The following CHST9 variants were observed in gnomAD, a reference collection of about 807,000 sequenced individuals.
CHST9 encodes the protein GalNAc-4-sulfotransferase 2.
CHST9 carries 41 observed loss-of-function variants against 44.4 expected under a neutral mutation model. That is an observed-to-expected ratio of 0.92 (90% CI 0.72 to 1.20). The LOEUF (loss-of-function observed/expected upper bound fraction) is 1.20. CHST9 is among the 50% of genes most tolerant of loss of function. The pLI is 0.00. For synonymous variants in CHST9, 171 were observed against 178.4 expected, an observed-to-expected ratio of 0.96 and a Z score of 0.33; for missense variants, 504 against 516.5, an observed-to-expected ratio of 0.98 and a Z score of 0.23.
intron 2 of CHST9, among the ~76,000 whole-genome samples, chr18:27,053,055 T>C (rs1365250500): frequency 6.8e-6 from 1 of 147,606 alleles, no homozygotes; most frequent in East Asian, 2.0e-4. Flanking sequence ...AACCTGCATG[T>C]TCAGCACATG....
chr18:27,032,923 A>G (rs2057355859), intron 3 of CHST9, among the ~76,000 whole-genome samples: 1 of 152,232 alleles, frequency 6.6e-6, no homozygotes, highest in Non-Finnish European at 1.5e-5. Flanking sequence ...AGAAGTAGAT[A>G]CAGCTTTGCA....
rs149186620 is a variant in CHST9 at position 27,061,910 on chromosome 18, C to T, written c.122-13407G>A. 1.3e-4 allele frequency among the ~76,000 whole-genome samples: 20 copies of T among 152,250 alleles called. No individual in the cohort carries two copies. The East Asian group carries it at 3.1e-3, about 24-fold the overall frequency. ...ATACATTTCTGGAATGCAAGCATGT[C>T]GAAACCCATTGTACAACCTTTGCCG... On this transcript the variant is annotated intron_variant, in intron 2 of 5. Transcript: ENST00000618847.
chr18:27,100,792 G>A (rs2058164070), intron 2 of CHST9, among the ~76,000 whole-genome samples: 1 of 152,190 alleles, frequency 6.6e-6, no homozygotes. Flanking sequence ...CCTCAAATAT[G>A]TTTGTCACAA....
rs757022034 is a variant in CHST9, at chr18:26,987,899, T to C, written c.202+36217A>G. 1.8e-4 allele frequency among the ~76,000 whole-genome samples: 27 copies of C among 152,328 alleles called. No homozygotes were observed. The East Asian group carries it at 1.9e-3, about 11-fold the overall frequency. On this transcript the variant is annotated intron_variant, in intron 4 of 5. Transcript: ENST00000618847. ...TGGAATCTGACCATGCTCAACCTGA[T>C]ACTGGATTTCCCAGCCTCTAGAACT...
intron 4 of CHST9, among the ~76,000 whole-genome samples, chr18:26,987,297 C>G (rs901015790): frequency 6.6e-6 from 1 of 152,160 alleles, no homozygotes; most frequent in African/African-American, 2.4e-5. Context: ...TCTTTGACCT[C>G]TCTGCCATGC....
chr18:26,941,550 T>C (rs2056082236), intron 5 of CHST9, among the ~76,000 whole-genome samples: 1 of 151,946 alleles, frequency 6.6e-6, no homozygotes, highest in Non-Finnish European at 1.5e-5. Context: ...AAAAATTATT[T>C]AGAAAACCTA....
intron 2 of CHST9, among the ~76,000 whole-genome samples, chr18:27,131,517 C>T (rs953741321): frequency 2.6e-5 from 4 of 152,158 alleles, no homozygotes; most frequent in Admixed American, 1.3e-4. Flanking sequence ...CACTATTGCA[C>T]TCCAGCCTGG....
At chr18:27,071,663 A>G (rs1163515424) in intron 2 of CHST9, among the ~76,000 whole-genome samples, 1 of 152,202 alleles carries the variant, frequency 6.6e-6, no homozygotes, top group Non-Finnish European at 1.5e-5. Context: ...TGGAGAAATC[A>G]CTAAAATATC....
In CHST9 at chr18:27,144,540, TAGCCC is replaced by T. The variant is rs2058596216; in HGVS notation, c.-96-1640_-96-1636del. 3.3e-5 allele frequency among the ~76,000 whole-genome samples: 5 copies of T among 151,896 alleles called. No individual in the cohort carries two copies. The South Asian group carries it at 1.0e-3, about 32-fold the overall frequency. ...CAAAAAATAAAATAGATTTTAAAAT[TAGCCC>T]AGCGTGGTGCCATGGGCCTCTAGTC... On this transcript the variant is annotated intron_variant, in intron 1 of 5. Transcript: ENST00000618847.
At chr18:26,936,654 T>C (rs1013206665) in intron 5 of CHST9, 4 of 152,160 alleles carry the variant, frequency 2.6e-5, no homozygotes, top group Admixed American at 2.0e-4. Context: ...ACCATTTTGC[T>C]AATAAAATAT....
At chr18:26,924,023 G>A (rs2055714697) in intron 5 of CHST9, among the ~76,000 whole-genome samples, 1 of 152,118 alleles carries the variant, frequency 6.6e-6, no homozygotes, top group Admixed American at 6.5e-5. Context: ...TTCCAGGAGG[G>A]CCTGGGCTGA....
intron 5 of CHST9, 105 bp downstream of exon 5, chr18:26,944,224 C>T: frequency 1.2e-6 from 1 of 842,446 alleles, no homozygotes. Flanking sequence ...ATATATTGCT[C>T]ATAACTAACA....
intron 2 of CHST9, among the ~76,000 whole-genome samples, chr18:27,087,057 T>C (rs2143699984): frequency 6.6e-6 from 1 of 152,304 alleles, no homozygotes; most frequent in Non-Finnish European, 1.5e-5. Flanking sequence ...TGTTATACTG[T>C]CTTGAAAGTC....
chr18:27,120,273 C>T (rs984507079), intron 2 of CHST9, among the ~76,000 whole-genome samples: 13 of 152,278 alleles, frequency 8.5e-5, no homozygotes, highest in East Asian at 5.8e-4. Flanking sequence ...GATCCAAGTA[C>T]GTTACCACTT....
At chr18:26,947,791 T>A (rs957310722) in intron 4 of CHST9, among the ~76,000 whole-genome samples, 2 of 152,208 alleles carry the variant, frequency 1.3e-5, no homozygotes, top group South Asian at 2.1e-4. Context: ...CCTTTTACAC[T>A]GTTGGTGGGA....
At chr18:27,015,323 T>TTGTGTGTGTG (rs10690815) in intron 4 of CHST9, among the ~76,000 whole-genome samples, 5,610 of 146,398 alleles carry the variant, frequency 0.038, 308 homozygotes, top group African/African-American at 0.12. Context: ...AGAGAGGCAG[T>TTGTGTGTGTG]TGTGTGTGTG....
At chr18:26,970,390 A>AT (rs1284002658) in intron 4 of CHST9, among the ~76,000 whole-genome samples, 1 of 152,148 alleles carries the variant, frequency 6.6e-6, no homozygotes, top group African/African-American at 2.4e-5. Context: ...GTATTGATTC[A>AT]TTTAAACTAC....
chr18:27,092,963 G>A (rs906563690), intron 2 of CHST9, among the ~76,000 whole-genome samples: 12 of 152,130 alleles, frequency 7.9e-5, no homozygotes, highest in South Asian at 2.1e-4. Flanking sequence ...TATTAGGTCC[G>A]CTTGGTGCAG....
At chr18:27,055,863 C>G (rs1467836373) in intron 2 of CHST9, among the ~76,000 whole-genome samples, 1 of 151,950 alleles carries the variant, frequency 6.6e-6, no homozygotes, top group Non-Finnish European at 1.5e-5. Context: ...TGCTTGTGAG[C>G]CATGTAATCT....
Sources: allele counts gnomAD v4.1 joint callset (sites outside exome capture counted in the v4.1 genomes callset), GRCh38; gene constraint gnomAD v4.1.1; transcripts MANE v1.5; gene names NCBI Gene and HGNC (gene_info 2026-07-23, HGNC 2026-07-21).